The following EIF3B variants were observed in gnomAD, a reference collection of about 807,000 sequenced individuals.
EIF3B encodes the protein eukaryotic translation initiation factor 3 subunit B, also known as eukaryotic translation initiation factor 3 subunit 9.
EIF3B carries 10 observed loss-of-function variants against 104.6 expected under a neutral mutation model. The observed-to-expected ratio is 0.10, with a 90% CI of 0.06 to 0.16. The LOEUF (loss-of-function observed/expected upper bound fraction) is 0.16, where lower values mean the gene tolerates loss of function less well. Ranked by LOEUF, EIF3B falls within the 10% of genes least tolerant of loss-of-function variation. EIF3B has a pLI of 1.00. For synonymous variants in EIF3B, 542 were observed against 417.2 expected (o/e 1.30, Z -3.65); for missense variants, 1,014 against 1,087.9 (o/e 0.93, Z 0.96).
At chr7:2,372,835 C>T (rs745995731) in intron 12 of EIF3B, 40 bp downstream of exon 12, 2 of 1,601,540 alleles carry the variant, frequency 1.2e-6, no homozygotes, top group Admixed American at 3.4e-5. Context: ...AGTAGGTCAG[C>T]ACAGATGATG....
intron 1 of EIF3B, among the ~76,000 whole-genome samples, chr7:2,356,627 A>C (rs1469060671): frequency 6.6e-6 from 1 of 150,630 alleles, no homozygotes; most frequent in Non-Finnish European, 1.5e-5. Context: ...AAGAAAAAGA[A>C]AAAAAGGTTA....
intron 10 of EIF3B, 64 bp downstream of exon 10, chr7:2,369,746 G>A: frequency 1.3e-6 from 1 of 790,452 alleles, no homozygotes; most frequent in Non-Finnish European, 2.0e-6. Context: ...CCACCGTATT[G>A]TTTGGAGGGT....
chr7:2,380,112 C>A, intron 18 of EIF3B, 92 bp from the exon 19 acceptor site: 1 of 313,416 alleles, frequency 3.2e-6, no homozygotes, highest in South Asian at 2.5e-5. Flanking sequence ...GCTCCTCTTG[C>A]GGGACTCAAC....
rs1355810860 is a variant in EIF3B at position 2,364,520 on chromosome 7, C to T, written c.1148C>T (p.Pro383Leu). ...GGGGTTCAGCTTATTGACTTCTCAC[C>T]TTGTGAAAGGTAAGCTGCTAGAAAA... is the stretch of plus-strand genomic sequence containing the variant. ...HQGVQLIDFS[P>L]CERYLVTFSP... The change falls in exon 6 of 19, where the codon CCT becomes CTT. Residue 383 changes from proline (P) to leucine (L), a missense_variant. By Grantham distance (98) the Pro-to-Leu change is moderately conservative. Around this residue, in one of 4 missense-constraint regions of EIF3B, gnomAD observed 201 missense variants for 240.7 expected, o/e 0.83. Transcript: ENST00000360876. 3.1e-6 allele frequency: 5 copies of T among 1,612,072 alleles called. No individual in the cohort carries two copies. The highest frequency in any genetic ancestry group is 1.1e-5 in the South Asian group (1 of 90,386).
chr7:2,358,190 T>G (rs1020673443), intron 1 of EIF3B, among the ~76,000 whole-genome samples: 3 of 152,176 alleles, frequency 2.0e-5, no homozygotes, highest in African/African-American at 7.2e-5. Flanking sequence ...TTCAAGCGAT[T>G]TTCCTGCCTC....
chr7:2,357,567 C>T (rs1390256441), intron 1 of EIF3B, among the ~76,000 whole-genome samples: 1 of 152,176 alleles, frequency 6.6e-6, no homozygotes, highest in Non-Finnish European at 1.5e-5. Context: ...TGTAATCATC[C>T]TTTCAGTTTA....
intron 10 of EIF3B, among the ~76,000 whole-genome samples, 163 bp downstream of exon 10, chr7:2,369,845 C>T (rs530288096): frequency 3.9e-5 from 5 of 129,460 alleles, no homozygotes; most frequent in South Asian, 5.2e-4. Flanking sequence ...AGTGCGATTT[C>T]GGCTCACTGC....
intron 1 of EIF3B, among the ~76,000 whole-genome samples, chr7:2,357,452 T>C (rs1045276381): frequency 6.6e-6 from 1 of 152,176 alleles, no homozygotes; most frequent in African/African-American, 2.4e-5. Flanking sequence ...GGTGACTGTA[T>C]CAGTTCTTTC....
Position 2,369,469 on chromosome 7 carries a change from C to T in EIF3B, c.1404-3C>T, listed in dbSNP as rs749142613. ...TTTAACATTTTATTTTCCTGTTCTG[C>T]AGAGACTTTTCTTGGTCTCCTGGTG... On this transcript the variant is annotated splice_region_variant and splice_polypyrimidine_tract_variant and intron_variant, in intron 9 of 18. Coordinates refer to ENST00000360876, the MANE Select transcript of EIF3B (RefSeq NM_001037283.2). 3.7e-6 allele frequency: 6 copies of T among 1,614,000 alleles called. No homozygotes were observed. The South Asian group carries it at 5.5e-5, about 15-fold the overall frequency.
intron 9 of EIF3B, 141 bp from the exon 10 acceptor site, chr7:2,369,331 G>C (rs766507364): frequency 2.3e-6 from 2 of 857,972 alleles, no homozygotes; most frequent in Non-Finnish European, 3.8e-6. Context: ...CCAGAGCAGT[G>C]GCTGTGCAGA....
intron 14 of EIF3B, 110 bp downstream of exon 14, chr7:2,375,637 G>A: frequency 6.7e-7 from 1 of 1,492,634 alleles, no homozygotes; most frequent in Non-Finnish European, 9.1e-7. Flanking sequence ...CCAAGCCTCT[G>A]TGTTGAACAG....
At chr7:2,367,825 ATTTTTTTTTTTTTTTTTT>A (rs71026506) in intron 9 of EIF3B, among the ~76,000 whole-genome samples, 37 of 60,316 alleles carry the variant, frequency 6.1e-4, no homozygotes, top group Middle Eastern at 0.023. Flanking sequence ...TTTTTTTAAA[ATTTTTTTTTTTTTTTTTT>A]TTTTTTTTTT....
chr7:2,363,004 A>G, intron 3 of EIF3B, 66 bp from the exon 4 acceptor site: 1 of 1,574,522 alleles, frequency 6.4e-7, no homozygotes. Flanking sequence ...GCCATGCTGG[A>G]GCCCCCACGA....
Position 2,372,666 on chromosome 7 carries a change from A to G in EIF3B, c.1688-7A>G, listed in dbSNP as rs1284702005. ...AAAAAGGGAGGGGTCTGTTTTGTGC[A>G]TTTTAGAAACCATCATAGCCTTTGC... On this transcript the variant is annotated splice_region_variant and splice_polypyrimidine_tract_variant and intron_variant, in intron 11 of 18. Transcript: ENST00000360876. 5 of 1,613,602 alleles carry G rather than the reference A, an allele frequency of 3.1e-6. No individual in the cohort carries two copies. The highest frequency in any genetic ancestry group is 4.2e-6 in the Non-Finnish European group (5 of 1,179,654).
chr7:2,380,613 T>C lies in EIF3B; in HGVS notation c.*424T>C. 1 of 338,218 alleles carries C rather than the reference T, an allele frequency of 3.0e-6. No individual in the cohort carries two copies. Among genetic ancestry groups the C allele is most frequent in the East Asian group, 8.6e-5 (1 of 11,654 alleles). The allele number at this position is 338,218 out of a possible 1,614,324, so 21.0% of individuals were successfully genotyped here. ...TCCGTTGAAGGACTTGCATCCCCAT[T>C]GCGGGCAGTGCTGGACGTGTCCCGG... On this transcript the variant is annotated 3_prime_UTR_variant, in exon 19 of 19. Coordinates refer to ENST00000360876, the MANE Select transcript of EIF3B (RefSeq NM_001037283.2).
chr7:2,376,774 T>C, intron 14 of EIF3B, 176 bp from the exon 15 acceptor site: 3 of 851,986 alleles, frequency 3.5e-6, no homozygotes, highest in Non-Finnish European at 5.2e-6. Flanking sequence ...GTCGGTTGCA[T>C]AATGGAGGTG....
At chr7:2,359,351 G>A (rs1779616827) in intron 1 of EIF3B, among the ~76,000 whole-genome samples, 1 of 152,104 alleles carries the variant, frequency 6.6e-6, no homozygotes, top group Admixed American at 6.6e-5. Flanking sequence ...CACCCAGAAG[G>A]AAGAGGGCTG....
intron 18 of EIF3B, 102 bp from the exon 19 acceptor site, chr7:2,380,102 G>A: frequency 3.2e-6 from 1 of 310,140 alleles, no homozygotes; most frequent in South Asian, 2.6e-5. Flanking sequence ...GGCCGGGGTG[G>A]CTCCTCTTGC....
chr7:2,364,269 A>C, intron 5 of EIF3B, 103 bp from the exon 6 acceptor site: 1 of 1,202,912 alleles, frequency 8.3e-7, no homozygotes, highest in Non-Finnish European at 1.2e-6. Flanking sequence ...CAAAAAAAAA[A>C]AAAGTTTGTA....
Sources: gnomAD v4.1 joint callset for allele counts (sites outside exome capture counted in the v4.1 genomes callset) on GRCh38, gnomAD v4.1.1 for gene constraint, gnomAD v4.1.1 regional missense constraint, MANE v1.5 for transcripts, NCBI Gene and HGNC (gene_info 2026-07-23, HGNC 2026-07-21) for gene names.